The following PIK3CD variants were observed in gnomAD, a reference collection of about 807,000 sequenced individuals.
PIK3CD encodes phosphatidylinositol-4,5-bisphosphate 3-kinase catalytic subunit delta.
A neutral mutation model predicts 122.9 loss-of-function variants in PIK3CD; 20 were observed. The observed-to-expected ratio is 0.16, with a 90% CI of 0.11 to 0.24. The LOEUF (loss-of-function observed/expected upper bound fraction) is 0.24. Among genes scored for constraint, PIK3CD ranks in the 10% least tolerant of loss-of-function variants. PIK3CD has a pLI of 1.00. For missense variants in PIK3CD, 787 were observed against 1,406.3 expected, an observed-to-expected ratio of 0.56 and a Z score of 7.04; for synonymous variants, 596 against 593.4, an observed-to-expected ratio of 1.00 and a Z score of -0.06.
chr1:9,639,433 C>T, the PIK3CD span, among the ~76,000 whole-genome samples: 1 of 152,128 alleles, frequency 6.6e-6, no homozygotes, highest in Non-Finnish European at 1.5e-5. Flanking sequence ...AAAGCTTTTA[C>T]TCGTCTCTAA....
At chr1:9,675,026 A>T (rs1384993061) in intron 1 of PIK3CD, among the ~76,000 whole-genome samples, 3 of 148,148 alleles carry the variant, frequency 2.0e-5, no homozygotes, top group Admixed American at 2.0e-4. Flanking sequence ...ATGTAAAAAA[A>T]AAAAAAAAAA....
chr1:9,646,911 C>T (rs1359436570), upstream of PIK3CD, among the ~76,000 whole-genome samples: 1 of 148,988 alleles, frequency 6.7e-6, no homozygotes. Context: ...ACCAAGATCG[C>T]ACCACTGCAC....
chr1:9,727,204 A>G lies in PIK3CD; in HGVS notation c.*158A>G. On this transcript the variant is annotated 3_prime_UTR_variant, in exon 24 of 24. Transcript: ENST00000377346. ...CACTGGTTATTTATTTATGACTTGAAATAGTTTAAGGAGCTAAACAGCCAT... is the reference window on the plus strand; with the variant it reads ...CACTGGTTATTTATTTATGACTTGAGATAGTTTAAGGAGCTAAACAGCCAT... The G allele has an allele frequency of 1.1e-6, 1 of 874,570 alleles. No homozygotes were observed. Among genetic ancestry groups the G allele is most frequent in the Admixed American group, 2.1e-5 (1 of 46,820 alleles). 54.2% of individuals were successfully genotyped at this position (874,570 alleles called of 1,614,324 possible). A position where few individuals can be genotyped will look rare whatever the true frequency, so the allele number is the denominator to read the frequency against.
chr1:9,641,887 C>T, the PIK3CD span, among the ~76,000 whole-genome samples: 1 of 152,226 alleles, frequency 6.6e-6, no homozygotes, highest in African/African-American at 2.4e-5. Flanking sequence ...GTTCTCTAAC[C>T]ATCTGCTCCA....
Position 9,718,031 on chromosome 1 carries a change from C to T in PIK3CD, c.1020+405C>T, listed in dbSNP as rs1217421850. The stretch of plus-strand genomic sequence containing the variant: ...CTGCAGCCTGTGAGGGCTGCACCTG[C>T]CTCAACCTCTAGGGGCTGAGCCCAC... On this transcript the variant is annotated intron_variant, in intron 8 of 23. Coordinates refer to ENST00000377346, the MANE Select transcript of PIK3CD (RefSeq NM_005026.5). The surrounding 1 kb of genome is among the most constrained non-coding windows in gnomAD (Gnocchi z 7.2). 1.5e-5 allele frequency: 7 copies of T among 476,142 alleles called. No individual in the cohort carries two copies. In the East Asian group the frequency reaches 2.4e-4, roughly 16 times the overall value. The allele number at this position is 476,142 out of a possible 1,614,324, so 29.5% of individuals were successfully genotyped here.
chr1:9,671,138 C>T (rs1250159331), intron 1 of PIK3CD, among the ~76,000 whole-genome samples: 4 of 151,970 alleles, frequency 2.6e-5, no homozygotes, highest in African/African-American at 4.8e-5. Context: ...CTCACTCCGT[C>T]GCCCAGGCTG....
Position 9,720,123 on chromosome 1 carries a change from G to A in PIK3CD, c.1351G>A (p.Glu451Lys). ...GCCCCTGTGTTCAGATGAGAAGGGC[G>A]AGCTGCTGAACCCCACGGGCACTGT... Reference protein sequence around the residue: ...MWPSVPDEKGELLNPTGTVRS... With the variant: ...MWPSVPDEKGKLLNPTGTVRS... The change falls in exon 11 of 24, where the codon GAG becomes AAG. Residue 451 changes from glutamate (E) to lysine (K), a missense_variant. Around this residue, in one of 6 missense-constraint regions of PIK3CD, gnomAD observed 592 missense variants for 920.6 expected, o/e 0.64. Transcript: ENST00000377346. This position sits in a 1 kb window ranked among gnomAD's most constrained non-coding sequence, Gnocchi z 9.0. The A allele has an allele frequency of 1.9e-6, 3 of 1,613,242 alleles. No homozygotes were observed. The highest frequency in any genetic ancestry group is 1.1e-5 in the South Asian group (1 of 91,090).
chr1:9,688,938 G>T (rs1034457095), intron 1 of PIK3CD, among the ~76,000 whole-genome samples: 1 of 152,192 alleles, frequency 6.6e-6, no homozygotes, highest in Non-Finnish European at 1.5e-5. Flanking sequence ...ATGCATTAGT[G>T]AAAGTGCTAG....
chr1:9,649,111 A>ACAAACAAACAAG (rs1644633617), upstream of PIK3CD, among the ~76,000 whole-genome samples: 1 of 151,308 alleles, frequency 6.6e-6, no homozygotes, highest in Non-Finnish European at 1.5e-5. Flanking sequence ...CAACAAACAA[A>ACAAACAAACAAG]CAAACAAACA....
chr1:9,659,532 C>T (rs1644952840), intron 1 of PIK3CD, among the ~76,000 whole-genome samples: 1 of 152,150 alleles, frequency 6.6e-6, no homozygotes, highest in Non-Finnish European at 1.5e-5. Context: ...TCCCCTTAAA[C>T]ACTAACTCCC....
At chr1:9,633,401 G>A in the PIK3CD span, among the ~76,000 whole-genome samples, 5 of 152,108 alleles carry the variant, frequency 3.3e-5, no homozygotes, top group East Asian at 9.7e-4. Flanking sequence ...TCTGCTTCCT[G>A]GGTTCAAGTG....
intron 1 of PIK3CD, chr1:9,654,278 G>A (rs1644771659): frequency 5.1e-6 from 7 of 1,367,686 alleles, no homozygotes; most frequent in East Asian, 4.5e-5. Flanking sequence ...GGAAAAGCGC[G>A]TTTCTGCGTT....
At chr1:9,721,933 G>A in intron 16 of PIK3CD, 42 bp from the exon 17 acceptor site, 2 of 1,612,970 alleles carry the variant, frequency 1.2e-6, no homozygotes, top group Non-Finnish European at 1.7e-6. Context: ...GCTGGGTCGA[G>A]GCTGGGACCT....
At chr1:9,653,932 G>C (rs1306317377) in intron 1 of PIK3CD, 2 of 1,365,300 alleles carry the variant, frequency 1.5e-6, no homozygotes, top group African/African-American at 3.0e-5. Context: ...GTGGCTGAGA[G>C]CGGTAGCTCA....
chr1:9,644,243 G>A, the PIK3CD span, among the ~76,000 whole-genome samples: 1 of 152,176 alleles, frequency 6.6e-6, no homozygotes, highest in Non-Finnish European at 1.5e-5. Flanking sequence ...GGCTGGAGTG[G>A]TGGCTCACGC....
chr1:9,653,942 A>G (rs775124363), intron 1 of PIK3CD: 6 of 1,362,380 alleles, frequency 4.4e-6, no homozygotes, highest in Non-Finnish European at 3.9e-6. Context: ...GCGGTAGCTC[A>G]TACCTGTCAT....
Position 9,717,247 on chromosome 1 carries a change from T to A in PIK3CD, c.930+139T>A. ...TTTGAGCTGGGGAAGCCAACACAGC[T>A]GACCAGCGTCCTGGGCTGGGGGCCT... On this transcript the variant is annotated intron_variant, in intron 7 of 23. Coordinates refer to ENST00000377346, the MANE Select transcript of PIK3CD (RefSeq NM_005026.5). The surrounding 1 kb of genome is among the most constrained non-coding windows in gnomAD (Gnocchi z 5.4). 1 of 1,143,156 alleles carries A rather than the reference T, an allele frequency of 8.7e-7. No individual in the cohort carries two copies. The highest frequency in any genetic ancestry group is 1.3e-6 in the Non-Finnish European group (1 of 780,738). 70.8% of individuals were successfully genotyped at this position (1,143,156 alleles called of 1,614,324 possible).
intron 1 of PIK3CD, among the ~76,000 whole-genome samples, chr1:9,678,586 G>C (rs752331277): frequency 1.3e-5 from 2 of 152,148 alleles, no homozygotes; most frequent in Admixed American, 6.6e-5. Flanking sequence ...CCAGAAAAAG[G>C]CTCTTTCATC....
At chr1:9,695,828 A>G (rs1441938163) in intron 2 of PIK3CD, among the ~76,000 whole-genome samples, 2 of 149,332 alleles carry the variant, frequency 1.3e-5, no homozygotes, top group Admixed American at 6.7e-5. Flanking sequence ...TGGGTGACAG[A>G]GCGAGACTCA....
Sources: gnomAD v4.1 joint callset for allele counts (sites outside exome capture counted in the v4.1 genomes callset) on GRCh38, gnomAD v4.1.1 for gene constraint, gnomAD v4.1.1 regional missense constraint, Gnocchi (gnomAD v3.1) non-coding constraint, MANE v1.5 for transcripts, NCBI Gene and HGNC (gene_info 2026-07-23, HGNC 2026-07-21) for gene names.